Variants in NAP1L4 observed in about 807,000 individuals in gnomAD.
NAP1L4 encodes nucleosome assembly protein 1-like 4.
In NAP1L4, 15 loss-of-function variants were observed where a neutral mutation model predicts 58.2. The ratio of observed to expected loss-of-function variants is 0.26; its 90% confidence interval spans 0.17 to 0.40. The LOEUF is 0.40. Ranked by LOEUF, NAP1L4 falls within the 10% of genes least tolerant of loss-of-function variation. NAP1L4 has a pLI of 1.00. For missense variants in NAP1L4, 384 were observed against 451.1 expected (o/e 0.85, Z 1.35); for synonymous variants, 171 against 155.6 (o/e 1.10, Z -0.74).
intron 7 of NAP1L4, among the ~76,000 whole-genome samples, chr11:2,966,119 G>A (rs1009312384): frequency 6.6e-6 from 1 of 152,126 alleles, no homozygotes; most frequent in Non-Finnish European, 1.5e-5. Context: ...CAAAGTCTGG[G>A]CACTGAATCT....
At chr11:2,984,152 G>A (rs1260660839) in intron 1 of NAP1L4, among the ~76,000 whole-genome samples, 3 of 111,614 alleles carry the variant, frequency 2.7e-5, no homozygotes, top group Non-Finnish European at 5.0e-5. Flanking sequence ...GGACAACAGA[G>A]CAAGACCCTG....
At chr11:2,972,895 T>C (rs927970592) in intron 4 of NAP1L4, among the ~76,000 whole-genome samples, 5 of 152,090 alleles carry the variant, frequency 3.3e-5, no homozygotes, top group African/African-American at 1.2e-4. Flanking sequence ...CACTTGAGTC[T>C]GTGAGGTCAA....
chr11:2,951,300 C>T lies in NAP1L4; in HGVS notation c.1081G>A (p.Glu361Lys), dbSNP rs199728876. 20 of 1,614,010 alleles carry T rather than the reference C, an allele frequency of 1.2e-5. No homozygotes were observed. The highest frequency in any genetic ancestry group is 1.6e-5 in the Non-Finnish European group (19 of 1,179,948). Residue 361 changes from glutamate (E) to lysine (K), a missense_variant, in exon 14 of 16, where the codon GAG (glutamate) becomes AAG (lysine). Coordinates refer to ENST00000380542, the MANE Select transcript of NAP1L4 (RefSeq NM_005969.4). This position sits in a 1 kb window ranked among gnomAD's most constrained non-coding sequence, Gnocchi z 4.0. The part of the protein sequence containing the change: ...EGEEEELEGD[E>K]EGEDEDDAEI... ...GCATCATCCTCGTCTTCTCCCTCCTCGTCACCTTCTAATTCCTGTATTTAA... is the reference window on the plus strand; with the variant it reads ...GCATCATCCTCGTCTTCTCCCTCCTTGTCACCTTCTAATTCCTGTATTTAA...
chr11:2,960,724 T>G (rs1032653194), intron 8 of NAP1L4, among the ~76,000 whole-genome samples: 1 of 152,186 alleles, frequency 6.6e-6, no homozygotes, highest in African/African-American at 2.4e-5. Context: ...AAAAGGCATA[T>G]TCCCTGACTC....
rs189965176 is a variant in NAP1L4, at chr11:2,977,718, C to T, written c.73+566G>A. Among the ~76,000 whole-genome samples the T allele has an allele frequency of 1.2e-3, 179 of 151,740 alleles. 3 individuals are homozygous for T. The highest frequency in any genetic ancestry group is 0.011 in the Admixed American group (172 of 15,184). Reference sequence around the variant, plus strand: ...ATTGTTTTAGGAAAATAGATATCCACCACTTGCTTTCAAACAGTTTGGAGG... The same window carrying T: ...ATTGTTTTAGGAAAATAGATATCCATCACTTGCTTTCAAACAGTTTGGAGG... On this transcript the variant is annotated intron_variant, in intron 3 of 15. Transcript: ENST00000380542.
In NAP1L4 at chr11:2,971,996, G is replaced by C. The variant is rs2133974038; in HGVS notation, c.315+106C>G. The C allele has an allele frequency of 3.3e-6, 4 of 1,196,004 alleles. No homozygotes were observed. In the South Asian group the frequency reaches 5.5e-5, roughly 17 times the overall value. 74.1% of individuals were successfully genotyped at this position (1,196,004 alleles called of 1,614,324 possible). A position where few individuals can be genotyped will look rare whatever the true frequency, so the allele number is the denominator to read the frequency against. On this transcript the variant is annotated intron_variant, in intron 5 of 15. Transcript: ENST00000380542. The surrounding 1 kb of genome is among the most constrained non-coding windows in gnomAD (Gnocchi z 4.2). ...AGACTAAGCTATGTTTGGCAGGTTA[G>C]ATGCGTTCTTACCCTAGATGTTGTC...
chr11:2,986,158 G>T (rs1253556942), intron 1 of NAP1L4, among the ~76,000 whole-genome samples: 4 of 152,146 alleles, frequency 2.6e-5, no homozygotes, highest in African/African-American at 9.7e-5. Flanking sequence ...CGGATCACAT[G>T]AGGTCGGGAG....
chr11:2,980,737 A>T (rs1378820274), intron 1 of NAP1L4, among the ~76,000 whole-genome samples: 2 of 151,988 alleles, frequency 1.3e-5, no homozygotes, highest in Non-Finnish European at 2.9e-5. Context: ...CAACAAAAAA[A>T]CCCCTCTATA....
Position 2,954,655 on chromosome 11 carries a change from GA to G in NAP1L4, c.916-10del, listed in dbSNP as rs1416045208. On this transcript the variant is annotated splice_polypyrimidine_tract_variant and intron_variant, in intron 11 of 15. Transcript: ENST00000380542. The surrounding 1 kb of genome is among the most constrained non-coding windows in gnomAD (Gnocchi z 4.8). ...AATTCAGAATCTTCATCCTGAGGAG[GA>G]AAAACCTACGTGTTAACTCATTTTA... 1.2e-6 allele frequency: 2 copies of G among 1,613,984 alleles called. No homozygotes were observed. The highest frequency in any genetic ancestry group is 2.7e-5 in the African/African-American group (2 of 74,894).
chr11:2,970,151 C>A (rs748925803), intron 6 of NAP1L4, among the ~76,000 whole-genome samples: 2 of 152,160 alleles, frequency 1.3e-5, no homozygotes, highest in African/African-American at 4.8e-5. Flanking sequence ...GAATTCCGTA[C>A]CATTTCACAT....
rs1382868461 is a variant in NAP1L4 at position 2,945,612 on chromosome 11, T to C, written c.*67A>G. ...CCAGGCACCCGCCTCCGCTTCCTACTGCTGCTTGCATTCCGCCGGCTGGCT... is the reference window on the plus strand; with the variant it reads ...CCAGGCACCCGCCTCCGCTTCCTACCGCTGCTTGCATTCCGCCGGCTGGCT... On this transcript the variant is annotated 3_prime_UTR_variant, in exon 16 of 16. Transcript: ENST00000380542. 2 of 1,535,944 alleles carry C rather than the reference T, an allele frequency of 1.3e-6. No individual in the cohort carries two copies. Among genetic ancestry groups the C allele is most frequent in the African/African-American group, 2.7e-5 (2 of 73,030 alleles).
At chr11:2,958,598 A>C (rs1487750246) in intron 9 of NAP1L4, 54 bp from the exon 10 acceptor site, 4 of 1,566,472 alleles carry the variant, frequency 2.6e-6, no homozygotes, top group African/African-American at 2.7e-5. Flanking sequence ...AAAATCCATT[A>C]CAAATGCATG....
chr11:2,978,775 A>G (rs901912604), intron 2 of NAP1L4, among the ~76,000 whole-genome samples: 3 of 152,270 alleles, frequency 2.0e-5, no homozygotes, highest in Non-Finnish European at 2.9e-5. Flanking sequence ...ATTAGCCACA[A>G]CAAGTGTAAA....
chr11:2,979,059 G>A lies in NAP1L4; in HGVS notation c.14+148C>T, dbSNP rs537703821. 8.0e-5 allele frequency: 61 copies of A among 759,630 alleles called. No individual in the cohort carries two copies. The South Asian group carries it at 1.0e-3, about 13-fold the overall frequency. 47.1% of individuals were successfully genotyped at this position (759,630 alleles called of 1,614,324 possible). On this transcript the variant is annotated intron_variant, in intron 2 of 15. Transcript: ENST00000380542. ...TTCATGTCGGAAGTAATTTCTTTAC[G>A]TGCTCAAATACATACACAAGAAATG...
Position 2,945,352 on chromosome 11 carries a change from GTCCAGAGC to G in NAP1L4, c.*319_*326del. On this transcript the variant is annotated 3_prime_UTR_variant, in exon 16 of 16. Coordinates refer to ENST00000380542, the MANE Select transcript of NAP1L4 (RefSeq NM_005969.4). ...CTCCCACAGGGAAAGGCCCAGGGAA[GTCCAGAGC>G]TACAGGCACCAAGGCTGCAGAGGGT... is the stretch of plus-strand genomic sequence containing the variant. 1 of 468,260 alleles carries G rather than the reference GTCCAGAGC, an allele frequency of 2.1e-6. No individual in the cohort carries two copies. Among genetic ancestry groups the G allele is most frequent in the East Asian group, 3.6e-5 (1 of 27,810 alleles). 29.0% of individuals were successfully genotyped at this position (468,260 alleles called of 1,614,324 possible).
intron 3 of NAP1L4, among the ~76,000 whole-genome samples, chr11:2,977,936 G>A (rs1298671134): frequency 1.3e-5 from 2 of 151,220 alleles, no homozygotes; most frequent in African/African-American, 4.9e-5. Context: ...GGGAGGCTGC[G>A]GCAGGAAACT....
intron 1 of NAP1L4, 189 bp downstream of exon 1, chr11:2,992,065 C>G (rs1330974747): frequency 6.6e-6 from 1 of 151,960 alleles, no homozygotes; most frequent in Non-Finnish European, 1.5e-5. Context: ...GGCCCCAAGC[C>G]CCAGGCCCCG....
intron 8 of NAP1L4, among the ~76,000 whole-genome samples, chr11:2,961,091 G>GT (rs1846871378): frequency 4.0e-5 from 6 of 151,256 alleles, no homozygotes. Flanking sequence ...AATGTCAGCT[G>GT]TTTCCATTTT....
intron 1 of NAP1L4, among the ~76,000 whole-genome samples, chr11:2,986,090 A>G (rs1357523377): frequency 1.3e-5 from 2 of 152,182 alleles, no homozygotes; most frequent in Non-Finnish European, 2.9e-5. Context: ...AAATTGGGCC[A>G]TGGCCAGGCA....
Sources: gnomAD v4.1 joint callset for allele counts (sites outside exome capture counted in the v4.1 genomes callset) on GRCh38, gnomAD v4.1.1 for gene constraint, Gnocchi (gnomAD v3.1) non-coding constraint, MANE v1.5 for transcripts, NCBI Gene and HGNC (gene_info 2026-07-23, HGNC 2026-07-21) for gene names.